VAT1L: variants seen among roughly 807,000 people sequenced by gnomAD.
VAT1L encodes vesicle amine transport 1 like.
Under a neutral mutation model 44.1 loss-of-function variants are expected in VAT1L, and 34 were observed. That is an observed-to-expected ratio of 0.77 (90% CI 0.59 to 1.03). The LOEUF is 1.03. VAT1L is among the 50% of genes least tolerant of loss of function. VAT1L has a pLI of 0.00. For synonymous variants in VAT1L, 253 were observed against 202.2 expected, an observed-to-expected ratio of 1.25 and a Z score of -2.13; for missense variants, 615 against 538.8, an observed-to-expected ratio of 1.14 and a Z score of -1.40.
At chr16:77,838,607 C>T (rs2016665918) in intron 3 of VAT1L, among the ~76,000 whole-genome samples, 1 of 152,098 alleles carries the variant, frequency 6.6e-6, no homozygotes, top group African/African-American at 2.4e-5. Context: ...TCCCTCTCCC[C>T]ACCGCAACAA....
chr16:77,841,682 G>T (rs1427187718), intron 3 of VAT1L, among the ~76,000 whole-genome samples: 1 of 152,172 alleles, frequency 6.6e-6, no homozygotes, highest in Admixed American at 6.5e-5. Context: ...AGGGAGAAAG[G>T]TGGGGGCTTC....
intron 7 of VAT1L, among the ~76,000 whole-genome samples, chr16:77,902,238 A>G (rs943805242): frequency 4.6e-5 from 7 of 152,242 alleles, no homozygotes; most frequent in African/African-American, 1.7e-4. Flanking sequence ...GCAGAAGGCC[A>G]TGGATGGAAT....
At chr16:77,939,778 C>T (rs1162265592) in intron 7 of VAT1L, among the ~76,000 whole-genome samples, 3 of 152,258 alleles carry the variant, frequency 2.0e-5, no homozygotes, top group African/African-American at 7.2e-5. Flanking sequence ...GTTTATTTTT[C>T]CTAATAATCA....
Position 77,959,451 on chromosome 16 carries a change from G to T in VAT1L, c.1078-12399G>T, listed in dbSNP as rs572040583. Among the ~76,000 whole-genome samples the T allele has an allele frequency of 2.6e-5, 4 of 152,244 alleles. No homozygotes were observed. The South Asian group carries it at 8.3e-4, about 32-fold the overall frequency. Reference sequence around the variant, plus strand: ...CAAAGATGGATATTGTTAATATGAGGAATATCTCACAGATGACTTTGGTAG... The same window carrying T: ...CAAAGATGGATATTGTTAATATGAGTAATATCTCACAGATGACTTTGGTAG... On this transcript the variant is annotated intron_variant, in intron 7 of 8. Coordinates refer to ENST00000302536, the MANE Select transcript of VAT1L (RefSeq NM_020927.3).
intron 7 of VAT1L, among the ~76,000 whole-genome samples, chr16:77,935,492 C>G (rs530976313): frequency 8.3e-6 from 1 of 120,536 alleles, no homozygotes. Context: ...CATTCAATGA[C>G]GGTTTATAAA....
At chr16:77,817,891 G>T (rs116638343) in intron 2 of VAT1L, among the ~76,000 whole-genome samples, 1,649 of 152,272 alleles carry the variant, frequency 0.011, 32 homozygotes, top group African/African-American at 0.037. Context: ...CTCCCCTAGG[G>T]AGGAATGAAC....
rs1178068670 is a variant in VAT1L at position 77,884,422 on chromosome 16, CAAAAAATAAAAAT to C, written c.883-174_883-162del. ...TGGGCTACAGAGTGAGACTCCATCT[CAAAAAATAAAAAT>C]AAAAAATAAAATAAAAAAATACACC... On this transcript the variant is annotated intron_variant, in intron 6 of 8. Transcript: ENST00000302536. The surrounding 1 kb of genome is among the most constrained non-coding windows in gnomAD (Gnocchi z 4.5). 1.3e-5 allele frequency among the ~76,000 whole-genome samples: 2 copies of C among 151,738 alleles called. No individual in the cohort carries two copies. Among genetic ancestry groups the C allele is most frequent in the Non-Finnish European group, 2.9e-5 (2 of 67,960 alleles).
At chr16:77,789,584 A>G (rs2015795292) in intron 1 of VAT1L, among the ~76,000 whole-genome samples, 1 of 152,156 alleles carries the variant, frequency 6.6e-6, no homozygotes, top group South Asian at 2.1e-4. Context: ...GGGGAAAGGA[A>G]CTAGGAAGGA....
At chr16:77,819,412 C>T (rs1174984744) in intron 2 of VAT1L, among the ~76,000 whole-genome samples, 1 of 151,752 alleles carries the variant, frequency 6.6e-6, no homozygotes, top group African/African-American at 2.4e-5. Context: ...GATGGAGTCT[C>T]ACTCTGTCAC....
chr16:77,921,325 C>A (rs1159982698), intron 7 of VAT1L, among the ~76,000 whole-genome samples: 2 of 152,172 alleles, frequency 1.3e-5, no homozygotes, highest in East Asian at 3.9e-4. Flanking sequence ...TATGTTTGCA[C>A]TGAGACGTGT....
intron 3 of VAT1L, among the ~76,000 whole-genome samples, chr16:77,837,037 G>A (rs2016647229): frequency 7.1e-6 from 1 of 141,842 alleles, no homozygotes; most frequent in South Asian, 2.3e-4. Flanking sequence ...AGCTTATAGA[G>A]AGGAAGAGCT....
chr16:77,910,190 A>C (rs751792269), intron 7 of VAT1L, among the ~76,000 whole-genome samples: 4 of 152,210 alleles, frequency 2.6e-5, no homozygotes, highest in Non-Finnish European at 5.9e-5. Flanking sequence ...CTGATGTGTA[A>C]GCATGGATAG....
At chr16:77,806,532 G>C (rs1028453427) in intron 1 of VAT1L, among the ~76,000 whole-genome samples, 2 of 149,600 alleles carry the variant, frequency 1.3e-5, no homozygotes, top group Non-Finnish European at 3.0e-5. Context: ...TTTTAGTAGA[G>C]ACAGGTTTCA....
At position 77,977,925 on chromosome 16, in the gene VAT1L, C is replaced by G; in HGVS notation, c.*230C>G. 1 of 479,858 alleles carries G rather than the reference C, an allele frequency of 2.1e-6. No homozygotes were observed. The highest frequency in any genetic ancestry group is 3.8e-6 in the Non-Finnish European group (1 of 262,214). 29.7% of individuals were successfully genotyped at this position (479,858 alleles called of 1,614,324 possible). On this transcript the variant is annotated 3_prime_UTR_variant, in exon 9 of 9. Transcript: ENST00000302536. Reference sequence around the variant, plus strand: ...CTGTGTATTACACATTCCCCTCTCCCCTGTATCAAAACCATCCATCTGTGG... The same window carrying G: ...CTGTGTATTACACATTCCCCTCTCCGCTGTATCAAAACCATCCATCTGTGG...
chr16:77,964,765 C>T (rs1054036266), intron 7 of VAT1L, among the ~76,000 whole-genome samples: 1 of 142,970 alleles, frequency 7.0e-6, no homozygotes, highest in East Asian at 2.3e-4. Context: ...ACACTGCTCA[C>T]GCCCTTTGTA....
intron 3 of VAT1L, among the ~76,000 whole-genome samples, chr16:77,861,829 C>G (rs550632520): frequency 6.6e-6 from 1 of 152,318 alleles, no homozygotes; most frequent in East Asian, 1.9e-4. Context: ...GTTGGGATAA[C>G]TCAGAGGCGT....
At chr16:77,892,713 G>A in intron 7 of VAT1L, 2 of 736,394 alleles carry the variant, frequency 2.7e-6, no homozygotes, top group Non-Finnish European at 5.1e-6. Context: ...CCTGGCATCT[G>A]TTCCATGGCA....
intron 8 of VAT1L, among the ~76,000 whole-genome samples, chr16:77,973,214 C>A (rs890265982): frequency 6.6e-6 from 1 of 152,160 alleles, no homozygotes; most frequent in Non-Finnish European, 1.5e-5. Flanking sequence ...GATCCCCTAT[C>A]GGTAAAGTGG....
intron 7 of VAT1L, among the ~76,000 whole-genome samples, chr16:77,940,134 G>T (rs2017861377): frequency 6.6e-6 from 1 of 152,186 alleles, no homozygotes; most frequent in Admixed American, 6.5e-5. Context: ...GCTTTGGCCA[G>T]TGATACGCTA....
Sources: allele counts gnomAD v4.1 joint callset (sites outside exome capture counted in the v4.1 genomes callset), GRCh38; gene constraint gnomAD v4.1.1; non-coding constraint Gnocchi (gnomAD v3.1); transcripts MANE v1.5; gene names NCBI Gene and HGNC (gene_info 2026-07-23, HGNC 2026-07-21).